The following VWDE variants were observed in gnomAD, a reference collection of about 807,000 sequenced individuals.
VWDE encodes the protein von Willebrand factor D and EGF domain-containing protein.
In VWDE, 207 loss-of-function variants were observed where a neutral mutation model predicts 178.4. That is an observed-to-expected ratio of 1.16 (90% CI 1.04 to 1.30). The LOEUF (loss-of-function observed/expected upper bound fraction) is 1.30, where lower values mean the gene tolerates loss of function less well. VWDE is among the 50% of genes most tolerant of loss of function. The pLI, the probability that VWDE is intolerant of heterozygous loss-of-function variation, is 0.00. For missense variants in VWDE, 2,287 were observed against 1,901.3 expected, an observed-to-expected ratio of 1.20 and a Z score of -3.77; for synonymous variants, 738 against 651.4, an observed-to-expected ratio of 1.13 and a Z score of -2.02.
At position 12,337,203 on chromosome 7, in the gene VWDE, C is replaced by A. The variant is rs895224935; in HGVS notation, c.4436G>T (p.Gly1479Val). 4 of 1,551,964 alleles carry A rather than the reference C, an allele frequency of 2.6e-6. No individual in the cohort carries two copies. In the African/African-American group the frequency reaches 4.1e-5, roughly 16 times the overall value. Residue 1479 changes from glycine (G) to valine (V), a missense_variant, in exon 25 of 29, where the codon GGA (glycine) becomes GTA (valine). Transcript: ENST00000275358. ...TTTTTGGAATCTCCTACCAGTGTAT[C>A]CTTCACGACAGACGCACACATTATT... is the stretch of plus-strand genomic sequence containing the variant. ...MRNNVCVCRE[G>V]YTGRRFQKSI...
At chr7:12,340,799 A>G (rs1781287161) in intron 23 of VWDE, among the ~76,000 whole-genome samples, 1 of 152,230 alleles carries the variant, frequency 6.6e-6, no homozygotes, top group Non-Finnish European at 1.5e-5. Flanking sequence ...AATTCAATTC[A>G]ACAGTGTTAA....
chr7:12,388,839 G>T lies in VWDE; in HGVS notation c.475+288C>A, dbSNP rs143392223. On this transcript the variant is annotated intron_variant, in intron 3 of 28. Transcript: ENST00000275358. ...TCATCCTTTAATTAAAACAGGAATGGACTTGAGGAAACCAAAGAATTTTTA... is the reference window on the plus strand; with the variant it reads ...TCATCCTTTAATTAAAACAGGAATGTACTTGAGGAAACCAAAGAATTTTTA... 1.7e-3 allele frequency: 930 copies of T among 560,150 alleles called. 3 individuals carry two copies. The highest frequency in any genetic ancestry group is 2.8e-3 in the Non-Finnish European group (825 of 292,750). The allele number at this position is 560,150 out of a possible 1,614,324, so 34.7% of individuals were successfully genotyped here.
At chr7:12,376,891 TTCTC>T (rs772672133) in intron 7 of VWDE, among the ~76,000 whole-genome samples, 1 of 151,532 alleles carries the variant, frequency 6.6e-6, no homozygotes, top group East Asian at 1.9e-4. Context: ...ATGATTCTCT[TTCTC>T]TCTCTCTCTC....
chr7:12,372,995 G>C lies in VWDE; in HGVS notation c.1569C>G (p.Tyr523Ter). The change falls in exon 10 of 29, where the codon TAC becomes TAG. Residue 523 changes from tyrosine (Y) to a stop codon, truncating the protein, a stop_gained. Transcript: ENST00000275358. LOFTEE classifies it high-confidence loss of function. ...TACATACTGTGACTTTTCTTCCTAA[G>C]TAAGATTCACTTATCTTGATATTCC... ...VTRNIKISES[Y>*]LGRKVTIWFS... 1.9e-6 allele frequency: 3 copies of C among 1,550,954 alleles called. No individual in the cohort carries two copies. The South Asian group carries it at 3.6e-5, about 18-fold the overall frequency.
intron 6 of VWDE, 30 bp from the exon 7 acceptor site, chr7:12,377,950 T>C (rs1003573189): frequency 2.1e-5 from 28 of 1,339,668 alleles, no homozygotes; most frequent in East Asian, 2.9e-5. Context: ...AGAAAAATTA[T>C]GTTAAAATAT....
chr7:12,369,509 C>T (rs542558392), intron 12 of VWDE, 36 bp downstream of exon 12: 3 of 1,476,738 alleles, frequency 2.0e-6, no homozygotes, highest in South Asian at 2.8e-5. Flanking sequence ...AATGAAATAT[C>T]ACATGCAATA....
chr7:12,393,477 A>G (rs986641989), intron 2 of VWDE, 117 bp downstream of exon 2: 1 of 866,096 alleles, frequency 1.2e-6, no homozygotes, highest in African/African-American at 1.7e-5. Context: ...AGATTAACTC[A>G]ATACAAAATT....
At chr7:12,360,139 T>C (rs551638831) in intron 15 of VWDE, among the ~76,000 whole-genome samples, 40 of 152,290 alleles carry the variant, frequency 2.6e-4, no homozygotes, top group African/African-American at 9.1e-4. Context: ...CTAGACCAGA[T>C]CTTTGGCATA....
At position 12,370,391 on chromosome 7, in the gene VWDE, C is replaced by A; in HGVS notation, c.1915G>T (p.Asp639Tyr). The change falls in exon 12 of 29, where the codon GAC becomes TAC. Residue 639 changes from aspartate (D) to tyrosine (Y), a missense_variant. Transcript: ENST00000275358. Reference sequence around the variant, plus strand: ...GCAATTTCTGATCGAGAAACACTGTCCAGATCTTCGGAAGACGGATACGCT... The same window carrying A: ...GCAATTTCTGATCGAGAAACACTGTACAGATCTTCGGAAGACGGATACGCT... The part of the protein sequence containing the change: ...TAAYPSSEDL[D>Y]SVSRSEIALG... The A allele has an allele frequency of 6.5e-7, 1 of 1,549,942 alleles. No individual in the cohort carries two copies. Among genetic ancestry groups the A allele is most frequent in the South Asian group, 1.2e-5 (1 of 84,062 alleles).
Position 12,370,478 on chromosome 7 carries a change from G to A in VWDE, c.1828C>T (p.Leu610=). The change falls in exon 12 of 29, where the codon CTG becomes TTG. Residue 610 remains leucine (L), a synonymous_variant. Transcript: ENST00000275358. ...CCAGGTGATGTCATAGAAACTGGCA[G>A]TGTGTCAGACATGCTTTTTCCTGGT... The part of the protein sequence containing the change: ...ILPGKSMSDT[L]PVSMTSPGKP... 6.5e-7 allele frequency: 1 copy of A among 1,541,646 alleles called. No individual in the cohort carries two copies. Among genetic ancestry groups the A allele is most frequent in the South Asian group, 1.2e-5 (1 of 83,902 alleles).
chr7:12,398,606 C>T (rs113607688), intron 1 of VWDE, among the ~76,000 whole-genome samples: 8 of 152,270 alleles, frequency 5.3e-5, no homozygotes, highest in African/African-American at 1.9e-4. Context: ...ATAAAGCCCT[C>T]TTGCCTAGCA....
In VWDE at chr7:12,370,263, TA is replaced by T. The variant is rs769328695; in HGVS notation, c.2042del (p.Ile681LysfsTer12). The T allele has an allele frequency of 2.9e-5, 45 of 1,551,098 alleles. No individual in the cohort carries two copies. Among genetic ancestry groups the T allele is most frequent in the Non-Finnish European group, 3.7e-5 (43 of 1,146,872 alleles). On this transcript the variant is annotated frameshift_variant, in exon 12 of 29. Coordinates refer to ENST00000275358, the MANE Select transcript of VWDE (RefSeq NM_001135924.3). LOFTEE classifies it high-confidence loss of function. Reference sequence around the variant, plus strand: ...ATTCTTCTGGAGATGTATGCTTGTTTATCTCTCTGACAAGAGTGTCTGAATT... The same window carrying T: ...ATTCTTCTGGAGATGTATGCTTGTTTTCTCTCTGACAAGAGTGTCTGAATT... ...YINSDTLVRE[I>X]NKHTSPEEYN...
intron 2 of VWDE, among the ~76,000 whole-genome samples, chr7:12,390,544 A>G (rs1784338526): frequency 6.6e-6 from 1 of 151,790 alleles, no homozygotes; most frequent in South Asian, 2.1e-4. Context: ...TATGTGATTG[A>G]ATTATAATTT....
Position 12,361,936 on chromosome 7 carries a change from C to A in VWDE, c.2899-415G>T, listed in dbSNP as rs559786813. 2.0e-5 allele frequency among the ~76,000 whole-genome samples: 3 copies of A among 152,124 alleles called. No homozygotes were observed. In the East Asian group the frequency reaches 5.8e-4, roughly 29 times the overall value. ...TACTTGAAACTGTCCTTTCTGCCCC[C>A]TACACAATTCCCACAGGGTCTCTCA... On this transcript the variant is annotated intron_variant, in intron 13 of 28. Coordinates refer to ENST00000275358, the MANE Select transcript of VWDE (RefSeq NM_001135924.3).
chr7:12,340,553 T>C, intron 23 of VWDE, 136 bp from the exon 24 acceptor site: 1 of 594,750 alleles, frequency 1.7e-6, no homozygotes, highest in Non-Finnish European at 2.9e-6. Context: ...TATAATTAAT[T>C]AGACTTTGCC....
In VWDE at chr7:12,383,516, A is replaced by C; in HGVS notation, c.541+20T>G. On this transcript the variant is annotated intron_variant, in intron 4 of 28. Transcript: ENST00000275358. Reference sequence around the variant, plus strand: ...CTAGTTTATAAAAACACTATTAAAAAAGCAAAATATGATACTTACGAACAC... The same window carrying C: ...CTAGTTTATAAAAACACTATTAAAACAGCAAAATATGATACTTACGAACAC... The C allele has an allele frequency of 1.9e-6, 3 of 1,547,888 alleles. No individual in the cohort carries two copies. Among genetic ancestry groups the C allele is most frequent in the Non-Finnish European group, 2.6e-6 (3 of 1,144,056 alleles).
At chr7:12,375,272 C>T (rs1341595030) in intron 7 of VWDE, 45 bp from the exon 8 acceptor site, 8 of 1,285,034 alleles carry the variant, frequency 6.2e-6, no homozygotes, top group Non-Finnish European at 8.7e-6. Context: ...AGAGAATATA[C>T]TAACCAAAGC....
chr7:12,401,641 A>G (rs952602051), intron 1 of VWDE, among the ~76,000 whole-genome samples: 1 of 152,160 alleles, frequency 6.6e-6, no homozygotes, highest in Non-Finnish European at 1.5e-5. Flanking sequence ...TCAGTTAATA[A>G]AAAGTGTTGA....
intron 1 of VWDE, among the ~76,000 whole-genome samples, chr7:12,401,561 T>C (rs1784894068): frequency 6.6e-6 from 1 of 152,090 alleles, no homozygotes; most frequent in African/African-American, 2.4e-5. Flanking sequence ...TCATTAGCCA[T>C]TAGGAAAATG....
Sources: gnomAD v4.1 joint callset for allele counts (sites outside exome capture counted in the v4.1 genomes callset) on GRCh38, gnomAD v4.1.1 for gene constraint, MANE v1.5 for transcripts, NCBI Gene and HGNC (gene_info 2026-07-23, HGNC 2026-07-21) for gene names.